DPYSL2: variants seen among roughly 807,000 people sequenced by gnomAD.
DPYSL2 encodes the protein dihydropyrimidinase-related protein 2.
DPYSL2 carries 13 observed loss-of-function variants against 69.9 expected under a neutral mutation model. The ratio of observed to expected loss-of-function variants is 0.19; its 90% CI spans 0.12 to 0.30. DPYSL2 has a LOEUF of 0.30. Among genes scored for constraint, DPYSL2 ranks in the 10% least tolerant of loss-of-function variants. The pLI is 1.00. For missense variants in DPYSL2, 587 were observed against 918.9 expected, an observed-to-expected ratio of 0.64 and a Z score of 4.67; for synonymous variants, 326 against 359.1, an observed-to-expected ratio of 0.91 and a Z score of 1.04.
intron 1 of DPYSL2, among the ~76,000 whole-genome samples, chr8:26,554,910 A>C (rs1279161372): frequency 6.6e-6 from 1 of 152,208 alleles, no homozygotes; most frequent in African/African-American, 2.4e-5. Context: ...GTATACAAAG[A>C]GTTTCTACAT....
intron 8 of DPYSL2, among the ~76,000 whole-genome samples, chr8:26,636,814 C>G (rs1164277520): frequency 6.6e-6 from 1 of 152,178 alleles, no homozygotes; most frequent in African/African-American, 2.4e-5. Context: ...CATCTCAGCT[C>G]ACTGCAGTCT....
In DPYSL2 at chr8:26,643,147, A is replaced by C. The variant is rs978461168; in HGVS notation, c.1127-292A>C. ...CGAGCAGGAGATTAATGGAATTGAA[A>C]ATCAGCAACGTAGGAGACAGAAGCC... On this transcript the variant is annotated intron_variant, in intron 8 of 13. Transcript: ENST00000521913. The surrounding 1 kb of genome is among the most constrained non-coding windows in gnomAD (Gnocchi z 6.5). 1.2e-5 allele frequency: 4 copies of C among 323,408 alleles called. No individual in the cohort carries two copies. Among genetic ancestry groups the C allele is most frequent in the African/African-American group, 8.6e-5 (4 of 46,350 alleles). The allele number at this position is 323,408 out of a possible 1,614,324, so 20.0% of individuals were successfully genotyped here.
At chr8:26,556,715 C>G (rs1800994645) in intron 1 of DPYSL2, among the ~76,000 whole-genome samples, 1 of 151,886 alleles carries the variant, frequency 6.6e-6, no homozygotes, top group Non-Finnish European at 1.5e-5. Flanking sequence ...AAAATGCCAG[C>G]AAGTTGTTAG....
At position 26,626,393 on chromosome 8, in the gene DPYSL2, C is replaced by G. The variant is rs1802612326; in HGVS notation, c.794-224C>G. Among the ~76,000 whole-genome samples the G allele has an allele frequency of 2.0e-5, 3 of 151,986 alleles. No homozygotes were observed. The highest frequency in any genetic ancestry group is 1.3e-4 in the Admixed American group (2 of 15,234). The stretch of plus-strand genomic sequence containing the variant: ...CTAAAAAGCATCCTTGTGCCTCTTC[C>G]TCCCACATTCACAGGTTATTTATAT... On this transcript the variant is annotated intron_variant, in intron 4 of 13. Transcript: ENST00000521913. This position sits in a 1 kb window ranked among gnomAD's most constrained non-coding sequence, Gnocchi z 4.3.
chr8:26,577,216 C>G (rs17088240), intron 1 of DPYSL2: 57 of 421,960 alleles, frequency 1.4e-4, no homozygotes, highest in Admixed American at 4.4e-4. Flanking sequence ...CAGCCTCCCC[C>G]CGGCCCGCGC....
chr8:26,630,905 G>A (rs946702018), intron 7 of DPYSL2, among the ~76,000 whole-genome samples: 6 of 152,250 alleles, frequency 3.9e-5, no homozygotes, highest in Middle Eastern at 3.4e-3. Flanking sequence ...CTTTCCTCCC[G>A]TTTGGTGACT....
chr8:26,577,164 C>T (rs1242112574), intron 1 of DPYSL2: 1 of 447,210 alleles, frequency 2.2e-6, no homozygotes, highest in South Asian at 1.6e-5. Flanking sequence ...GCTCTCATTT[C>T]CTGCAGCCCG....
intron 1 of DPYSL2, among the ~76,000 whole-genome samples, chr8:26,576,829 C>A (rs1801355498): frequency 1.3e-5 from 2 of 152,232 alleles, no homozygotes; most frequent in African/African-American, 4.8e-5. Flanking sequence ...TGGGTCCCAT[C>A]CACTGGCACT....
At chr8:26,600,430 C>T (rs557995891) in intron 3 of DPYSL2, among the ~76,000 whole-genome samples, 4 of 152,254 alleles carry the variant, frequency 2.6e-5, no homozygotes, top group South Asian at 2.1e-4. Context: ...GGGAGGGCCC[C>T]GGTTTCTTCG....
At chr8:26,574,790 C>T (rs1355289322) in intron 1 of DPYSL2, among the ~76,000 whole-genome samples, 2 of 152,218 alleles carry the variant, frequency 1.3e-5, no homozygotes, top group Non-Finnish European at 1.5e-5. Flanking sequence ...GTCACCCAAG[C>T]TGGAGTGCAG....
intron 8 of DPYSL2, among the ~76,000 whole-genome samples, chr8:26,636,901 C>A (rs1447931764): frequency 6.6e-6 from 1 of 152,064 alleles, no homozygotes; most frequent in East Asian, 1.9e-4. Context: ...CCCATCACAC[C>A]CATCTAATTT....
At chr8:26,630,801 G>C (rs1005063630) in intron 7 of DPYSL2, among the ~76,000 whole-genome samples, 1 of 152,116 alleles carries the variant, frequency 6.6e-6, no homozygotes, top group African/African-American at 2.4e-5. Flanking sequence ...GAAAGTGCAG[G>C]GTCCTGCCTG....
At chr8:26,538,573 T>G (rs1334514044) in intron 1 of DPYSL2, among the ~76,000 whole-genome samples, 1 of 152,140 alleles carries the variant, frequency 6.6e-6, no homozygotes, top group Admixed American at 6.5e-5. Flanking sequence ...GCCCGTGTAA[T>G]GAAGCTTCCT....
In DPYSL2 at chr8:26,580,699, G is replaced by A. The variant is rs1037333220; in HGVS notation, c.355-1270G>A. On this transcript the variant is annotated intron_variant, in intron 1 of 13. Transcript: ENST00000521913. The surrounding 1 kb of genome is among the most constrained non-coding windows in gnomAD (Gnocchi z 4.1). ...TCTTGGTAGCTGCTAAAGAGAGGTA[G>A]CACTTGCTGAGAATATTGTTTTGTA... is the stretch of plus-strand genomic sequence containing the variant. 7.2e-5 allele frequency among the ~76,000 whole-genome samples: 11 copies of A among 152,172 alleles called. No individual in the cohort carries two copies. Among genetic ancestry groups the A allele is most frequent in the African/African-American group, 2.4e-4 (10 of 41,430 alleles).
intron 1 of DPYSL2, among the ~76,000 whole-genome samples, chr8:26,529,233 A>AATCTGTCT (rs142011417): frequency 1.4e-5 from 2 of 143,962 alleles, no homozygotes; most frequent in African/African-American, 5.3e-5. Flanking sequence ...TATAAATTTA[A>AATCTGTCT]ATCTATCTAT....
chr8:26,519,403 A>T lies in DPYSL2; in HGVS notation c.354+4724A>T, dbSNP rs112730902. Reference sequence around the variant, plus strand: ...GGTGATAGTCCCAGGACTGGGAGAGAGGTCTCTTGTTTTCAGTCCCACTGC... The same window carrying T: ...GGTGATAGTCCCAGGACTGGGAGAGTGGTCTCTTGTTTTCAGTCCCACTGC... On this transcript the variant is annotated intron_variant, in intron 1 of 13. Transcript: ENST00000521913. Among the ~76,000 whole-genome samples, 251 of 152,282 alleles carry T rather than the reference A, an allele frequency of 1.6e-3. 2 individuals are homozygous for T. The highest frequency in any genetic ancestry group is 5.7e-3 in the African/African-American group (237 of 41,556).
intron 1 of DPYSL2, chr8:26,578,442 G>T (rs1461913550): frequency 1.1e-5 from 16 of 1,504,278 alleles, no homozygotes; most frequent in Non-Finnish European, 1.4e-5. Context: ...TGATGGTGGT[G>T]GTGGTTGTGG....
chr8:26,577,709 AGCGCGCGAAAG>A lies in DPYSL2; in HGVS notation c.355-4253_355-4243del, dbSNP rs1446920879. The A allele has an allele frequency of 4.0e-6, 3 of 741,956 alleles. No homozygotes were observed. The African/African-American group carries it at 5.8e-5, about 14-fold the overall frequency. The allele number at this position is 741,956 out of a possible 1,614,324, so 46.0% of individuals were successfully genotyped here. A position where few individuals can be genotyped will look rare whatever the true frequency, so the allele number is the denominator to read the frequency against. On this transcript the variant is annotated intron_variant, in intron 1 of 13. Transcript: ENST00000521913. ...GTCCCCACCGCCCCGGCCCGAAGAA[AGCGCGCGAAAG>A]GCGCGCTCCCAGCGCGGGCGCTCGC...
At position 26,609,650 on chromosome 8, in the gene DPYSL2, C is replaced by T. The variant is rs1029835234; in HGVS notation, c.629-14493C>T. 3.9e-5 allele frequency among the ~76,000 whole-genome samples: 6 copies of T among 152,200 alleles called. No individual in the cohort carries two copies. Among genetic ancestry groups the T allele is most frequent in the African/African-American group, 4.8e-5 (2 of 41,456 alleles). On this transcript the variant is annotated intron_variant, in intron 3 of 13. Transcript: ENST00000521913. This position sits in a 1 kb window ranked among gnomAD's most constrained non-coding sequence, Gnocchi z 6.5. ...TCACATGTTTCTCTGGCCACCTCATCGGGCTGGACGCTGCCGGCTGCCACC... is the reference window on the plus strand; with the variant it reads ...TCACATGTTTCTCTGGCCACCTCATTGGGCTGGACGCTGCCGGCTGCCACC...
Sources: allele counts gnomAD v4.1 joint callset (sites outside exome capture counted in the v4.1 genomes callset), GRCh38; gene constraint gnomAD v4.1.1; non-coding constraint Gnocchi (gnomAD v3.1); transcripts MANE v1.5; gene names NCBI Gene and HGNC (gene_info 2026-07-23, HGNC 2026-07-21).